Variants in AKAP13 observed in about 807,000 individuals in gnomAD.
AKAP13 encodes A-kinase anchor protein 13.
Under a neutral mutation model 264.5 loss-of-function variants are expected in AKAP13, and 80 were observed. The observed-to-expected ratio is 0.30, with a 90% CI of 0.25 to 0.36. The LOEUF (loss-of-function observed/expected upper bound fraction) is 0.36, where lower values mean the gene tolerates loss of function less well. Among genes scored for constraint, AKAP13 ranks in the 10% least tolerant of loss-of-function variants. The probability of loss-of-function intolerance (pLI) is 1.00; values close to 1 mark genes in which losing one functional copy is unlikely to be tolerated. For missense variants in AKAP13, 3,712 were observed against 3,435.2 expected, an observed-to-expected ratio of 1.08 and a Z score of -2.01; for synonymous variants, 1,380 against 1,250.2, an observed-to-expected ratio of 1.10 and a Z score of -2.19.
Position 85,708,633 on chromosome 15 carries a change from G to A in AKAP13, c.5532+547G>A, listed in dbSNP as rs138502610. On this transcript the variant is annotated intron_variant, in intron 18 of 36. Transcript: ENST00000394518. This position sits in a 1 kb window ranked among gnomAD's most constrained non-coding sequence, Gnocchi z 4.3. ...TATCTGCCCTGAGCATGTATGCTATGTAATCATGCTTTCCCAGTGGCCCTT... is the reference window on the plus strand; with the variant it reads ...TATCTGCCCTGAGCATGTATGCTATATAATCATGCTTTCCCAGTGGCCCTT... Among the ~76,000 whole-genome samples, 5 of 152,298 alleles carry A rather than the reference G, an allele frequency of 3.3e-5. No individual in the cohort carries two copies. The highest frequency in any genetic ancestry group is 1.2e-4 in the African/African-American group (5 of 41,562).
intron 8 of AKAP13, chr15:85,619,339 G>GGC: frequency 1.0e-6 from 1 of 983,304 alleles, no homozygotes; most frequent in Non-Finnish European, 1.2e-6. Context: ...GGAGGAGGCT[G>GGC]GCTAGGGAGG....
At chr15:85,606,926 G>A (rs2151381049) in intron 8 of AKAP13, among the ~76,000 whole-genome samples, 1 of 152,300 alleles carries the variant, frequency 6.6e-6, no homozygotes, top group Middle Eastern at 3.4e-3. Flanking sequence ...TAGTATTTCA[G>A]CCTTCTGGGT....
At chr15:85,663,235 G>A (rs138188348) in intron 12 of AKAP13, among the ~76,000 whole-genome samples, 26 of 152,106 alleles carry the variant, frequency 1.7e-4, no homozygotes, top group Non-Finnish European at 3.5e-4. Flanking sequence ...ACTTGAATCC[G>A]GGAGATGGAG....
chr15:85,498,764 C>T (rs777739815), intron 2 of AKAP13, among the ~76,000 whole-genome samples: 6 of 152,134 alleles, frequency 3.9e-5, no homozygotes, highest in Non-Finnish European at 4.4e-5. Context: ...TTCTCTAGGG[C>T]GCTGGCTCTT....
chr15:85,639,777 T>G (rs2082222116), intron 9 of AKAP13, among the ~76,000 whole-genome samples: 1 of 152,222 alleles, frequency 6.6e-6, no homozygotes, highest in Non-Finnish European at 1.5e-5. Flanking sequence ...GTTCTCAATT[T>G]TGAATGCACA....
intron 5 of AKAP13, among the ~76,000 whole-genome samples, chr15:85,563,726 G>A (rs1435730532): frequency 6.6e-6 from 1 of 152,212 alleles, no homozygotes; most frequent in African/African-American, 2.4e-5. Context: ...TGTTAGCAAT[G>A]TGCTAAGTAA....
At chr15:85,472,587 A>T (rs138059635) in intron 1 of AKAP13, among the ~76,000 whole-genome samples, 1 of 152,170 alleles carries the variant, frequency 6.6e-6, no homozygotes, top group Non-Finnish European at 1.5e-5. Flanking sequence ...TGCTCAAGCA[A>T]TCCTCTCCCC....
intron 8 of AKAP13, 150 bp downstream of exon 8, chr15:85,585,973 T>C (rs1253563546): frequency 1.9e-6 from 2 of 1,050,816 alleles, no homozygotes; most frequent in Non-Finnish European, 2.7e-6. Flanking sequence ...AATGTGTTTA[T>C]GTTGCTGCAG....
intron 8 of AKAP13, among the ~76,000 whole-genome samples, chr15:85,616,918 G>T (rs2080960399): frequency 6.6e-6 from 1 of 152,192 alleles, no homozygotes; most frequent in South Asian, 2.1e-4. Context: ...CTCCAACAAG[G>T]AACAGAATAT....
chr15:85,613,630 G>A lies in AKAP13; in HGVS notation c.4162-25744G>A, dbSNP rs1255045983. Reference sequence around the variant, plus strand: ...CCGGAGGCGGAGCTTGCAGTGAGCCGAGATCTCACCACTGCACTCCAGCCT... The same window carrying A: ...CCGGAGGCGGAGCTTGCAGTGAGCCAAGATCTCACCACTGCACTCCAGCCT... On this transcript the variant is annotated intron_variant, in intron 8 of 36. Coordinates refer to ENST00000394518, the MANE Select transcript of AKAP13 (RefSeq NM_007200.5). Among the ~76,000 whole-genome samples, 3 of 141,738 alleles carry A rather than the reference G, an allele frequency of 2.1e-5. No homozygotes were observed. In the East Asian group the frequency reaches 6.6e-4, roughly 31 times the overall value. 93.0% of individuals were successfully genotyped at this position (141,738 alleles called of 152,430 possible).
intron 8 of AKAP13, among the ~76,000 whole-genome samples, chr15:85,637,687 A>G (rs2082123325): frequency 6.6e-6 from 1 of 151,738 alleles, no homozygotes; most frequent in South Asian, 2.1e-4. Context: ...CTCTTTTTCT[A>G]GTTTCATAAG....
intron 5 of AKAP13, among the ~76,000 whole-genome samples, chr15:85,562,291 G>T (rs1384490285): frequency 6.6e-6 from 1 of 152,028 alleles, no homozygotes; most frequent in Non-Finnish European, 1.5e-5. Flanking sequence ...TCGGCCGGGC[G>T]TGGTGGCTCA....
intron 14 of AKAP13, among the ~76,000 whole-genome samples, chr15:85,670,254 T>G (rs2083848533): frequency 6.6e-6 from 1 of 152,020 alleles, no homozygotes; most frequent in African/African-American, 2.4e-5. Context: ...ATCACTCCCC[T>G]AAAGATTTTT....
Position 85,658,602 on chromosome 15 carries a change from A to G in AKAP13, c.4799+12A>G. The G allele has an allele frequency of 6.2e-7, 1 of 1,610,914 alleles. No homozygotes were observed. The highest frequency in any genetic ancestry group is 1.1e-5 in the South Asian group (1 of 90,800). ...ATTCATAGGAGAAGGTACAGAGTTC[A>G]TTAACTTGATGGACTAACCATGTCA... is the stretch of plus-strand genomic sequence containing the variant. On this transcript the variant is annotated intron_variant, in intron 12 of 36. Transcript: ENST00000394518.
intron 2 of AKAP13, among the ~76,000 whole-genome samples, chr15:85,512,243 T>C (rs1390037148): frequency 2.0e-5 from 3 of 152,176 alleles, no homozygotes; most frequent in Non-Finnish European, 2.9e-5. Context: ...AAGAGAAACA[T>C]GTACAGCGCA....
At chr15:85,589,900 G>A (rs573880247) in intron 8 of AKAP13, among the ~76,000 whole-genome samples, 1 of 152,254 alleles carries the variant, frequency 6.6e-6, no homozygotes, top group Admixed American at 6.5e-5. Flanking sequence ...TAAACTACAG[G>A]TTGGGAGTGG....
rs746564340 is a variant in AKAP13, at chr15:85,655,571, G to C, written c.4529G>C (p.Gly1510Ala). 1 of 1,614,218 alleles carries C rather than the reference G, an allele frequency of 6.2e-7. No individual in the cohort carries two copies. Residue 1510 changes from glycine to alanine, a missense_variant, in exon 11 of 37, where the codon GGA becomes GCA. Transcript: ENST00000394518. ...NRSRDRQSLD[G>A]FYSHGMGAEG... ...TCAAGAGATCGGCAAAGCCTTGATG[G>C]ATTCTACAGCCATGGGATGGGAGCT...
intron 1 of AKAP13, among the ~76,000 whole-genome samples, chr15:85,461,635 G>T (rs1290204609): frequency 9.9e-5 from 15 of 151,820 alleles, no homozygotes; most frequent in African/African-American, 3.6e-4. Context: ...GTTGGGGGAG[G>T]GGTGCAGGGA....
At chr15:85,388,342 G>A (rs1439783315) in intron 1 of AKAP13, among the ~76,000 whole-genome samples, 4 of 152,148 alleles carry the variant, frequency 2.6e-5, no homozygotes, top group Admixed American at 2.6e-4. Context: ...ACAGCGCTGG[G>A]CGTGATTTCT....
Sources: gnomAD v4.1 joint callset for allele counts (sites outside exome capture counted in the v4.1 genomes callset) on GRCh38, gnomAD v4.1.1 for gene constraint, Gnocchi (gnomAD v3.1) non-coding constraint, MANE v1.5 for transcripts, NCBI Gene and HGNC (gene_info 2026-07-23, HGNC 2026-07-21) for gene names.